Variants in ZFAND3 observed in about 807,000 individuals in gnomAD.
The protein encoded by ZFAND3 is AN1-type zinc finger protein 3.
A neutral mutation model predicts 29.6 loss-of-function variants in ZFAND3; 10 were observed. The ratio of observed to expected loss-of-function variants is 0.34; its 90% CI spans 0.21 to 0.57. The LOEUF is 0.57. Ranked by LOEUF, ZFAND3 falls within the 20% of genes least tolerant of loss-of-function variation. The probability of loss-of-function intolerance (pLI) is 0.86; values close to 1 mark genes in which losing one functional copy is unlikely to be tolerated. For missense variants in ZFAND3, 230 were observed against 304.5 expected (o/e 0.76, Z 1.82); for synonymous variants, 128 against 112.6 (o/e 1.14, Z -0.87).
intron 2 of ZFAND3, among the ~76,000 whole-genome samples, chr6:38,056,625 C>T (rs985357991): frequency 6.6e-6 from 1 of 152,064 alleles, no homozygotes; most frequent in African/African-American, 2.4e-5. Context: ...ACAGTGCTCC[C>T]AGTATTTTAA....
chr6:37,882,531 TC>T (rs559491847), intron 1 of ZFAND3, among the ~76,000 whole-genome samples: 3 of 152,130 alleles, frequency 2.0e-5, no homozygotes, highest in African/African-American at 7.2e-5. Context: ...CTGCTATACT[TC>T]CCCCTTGGAG....
At chr6:37,868,808 A>ATG (rs1764637138) in intron 1 of ZFAND3, among the ~76,000 whole-genome samples, 1 of 152,200 alleles carries the variant, frequency 6.6e-6, no homozygotes, top group Non-Finnish European at 1.5e-5. Flanking sequence ...ATACGTGCTC[A>ATG]TGTTTTCTTT....
intron 1 of ZFAND3, among the ~76,000 whole-genome samples, chr6:37,853,411 A>AG (rs1305169488): frequency 3.3e-4 from 47 of 143,100 alleles, no homozygotes; most frequent in Admixed American, 2.1e-3. Flanking sequence ...CTGAGCCTCA[A>AG]GAAAAAAAAA....
intron 1 of ZFAND3, among the ~76,000 whole-genome samples, chr6:37,851,183 C>T (rs1764273954): frequency 6.7e-6 from 1 of 148,154 alleles, no homozygotes; most frequent in Non-Finnish European, 1.5e-5. Context: ...GATGGGGTTT[C>T]ACCTTGTTGT....
At chr6:37,906,440 T>A (rs1211284934) in intron 1 of ZFAND3, among the ~76,000 whole-genome samples, 1 of 152,188 alleles carries the variant, frequency 6.6e-6, no homozygotes, top group Non-Finnish European at 1.5e-5. Flanking sequence ...AATCAGTTGA[T>A]AGACATTTAG....
intron 4 of ZFAND3, among the ~76,000 whole-genome samples, chr6:38,110,304 A>T (rs1490929017): frequency 6.6e-6 from 1 of 151,294 alleles, no homozygotes; most frequent in Non-Finnish European, 1.5e-5. Flanking sequence ...TGAGGTGGGA[A>T]TTTTTTTTTA....
chr6:37,882,809 G>A (rs1764920807), intron 1 of ZFAND3, among the ~76,000 whole-genome samples: 2 of 152,178 alleles, frequency 1.3e-5, no homozygotes, highest in African/African-American at 2.4e-5. Flanking sequence ...TTCTATGTCT[G>A]TTCACTGTGG....
intron 1 of ZFAND3, among the ~76,000 whole-genome samples, chr6:37,897,363 G>A (rs1385033445): frequency 1.3e-5 from 2 of 152,154 alleles, no homozygotes; most frequent in Non-Finnish European, 2.9e-5. Flanking sequence ...GTTGCTTATG[G>A]TAGTAATTCT....
chr6:38,001,418 ACAGT>A (rs1762946052), intron 2 of ZFAND3, among the ~76,000 whole-genome samples: 1 of 152,168 alleles, frequency 6.6e-6, no homozygotes, highest in South Asian at 2.1e-4. Flanking sequence ...ATCTTGTAAG[ACAGT>A]CTGTGTTCTG....
intron 2 of ZFAND3, among the ~76,000 whole-genome samples, chr6:37,969,630 A>G (rs1762351746): frequency 6.6e-6 from 1 of 152,238 alleles, no homozygotes; most frequent in Non-Finnish European, 1.5e-5. Context: ...AAAAGTATGT[A>G]ACTCAAACCA....
At chr6:37,853,602 G>C (rs1764323333) in intron 1 of ZFAND3, among the ~76,000 whole-genome samples, 2 of 152,208 alleles carry the variant, frequency 1.3e-5, no homozygotes, top group South Asian at 4.1e-4. Context: ...TGAATTCTGA[G>C]TTCCAAACAG....
chr6:37,875,867 T>TA (rs1764784409), intron 1 of ZFAND3, among the ~76,000 whole-genome samples: 1 of 151,888 alleles, frequency 6.6e-6, no homozygotes, highest in Non-Finnish European at 1.5e-5. Context: ...GATGAAATCT[T>TA]ACTATGTTGC....
At chr6:37,885,391 C>T (rs1344018439) in intron 1 of ZFAND3, among the ~76,000 whole-genome samples, 2 of 152,166 alleles carry the variant, frequency 1.3e-5, no homozygotes, top group African/African-American at 2.4e-5. Flanking sequence ...CGTCTGTAAT[C>T]CCAGCACTCT....
intron 2 of ZFAND3, among the ~76,000 whole-genome samples, chr6:38,030,424 A>G (rs2842498): frequency 0.88 from 133,100 of 151,968 alleles, 59,070 homozygotes; most frequent in East Asian, 0.96. Context: ...CAAAACATAC[A>G]AAATATAGAG....
rs575129069 is a variant in ZFAND3, at chr6:38,033,517, T to TAA, written c.113-28075_113-28074dup. ...ACAAGGAATGGCCTGCAGGCTGCTTTAACCAGGTAATTAGAACAGCATGTG... is the reference window on the plus strand; with the variant it reads ...ACAAGGAATGGCCTGCAGGCTGCTTTAAAACCAGGTAATTAGAACAGCATGTG... On this transcript the variant is annotated intron_variant, in intron 2 of 5. Coordinates refer to ENST00000287218, the MANE Select transcript of ZFAND3 (RefSeq NM_021943.3). Among the ~76,000 whole-genome samples, 184 of 152,286 alleles carry TAA rather than the reference T, an allele frequency of 1.2e-3. 6 individuals are homozygous for TAA. The South Asian group carries it at 0.036, about 30-fold the overall frequency.
chr6:38,042,984 TAAA>T (rs1054387402), intron 2 of ZFAND3, among the ~76,000 whole-genome samples: 1 of 152,110 alleles, frequency 6.6e-6, no homozygotes, highest in Non-Finnish European at 1.5e-5. Flanking sequence ...TTTGCTCGGA[TAAA>T]AAAATAATGT....
Position 37,998,228 on chromosome 6 carries a change from T to A in ZFAND3, c.113-63365T>A, listed in dbSNP as rs556639007. Among the ~76,000 whole-genome samples the A allele has an allele frequency of 4.6e-5, 7 of 152,320 alleles. No individual in the cohort carries two copies. The South Asian group carries it at 1.4e-3, about 32-fold the overall frequency. ...AAGGCTGCATTCTATATAATTTCATTAGTATGACATGGAAGATGGAAAACT... is the reference window on the plus strand; with the variant it reads ...AAGGCTGCATTCTATATAATTTCATAAGTATGACATGGAAGATGGAAAACT... On this transcript the variant is annotated intron_variant, in intron 2 of 5. Coordinates refer to ENST00000287218, the MANE Select transcript of ZFAND3 (RefSeq NM_021943.3).
At chr6:38,126,041 A>C (rs1765627649) in intron 5 of ZFAND3, among the ~76,000 whole-genome samples, 1 of 152,184 alleles carries the variant, frequency 6.6e-6, no homozygotes, top group Admixed American at 6.5e-5. Flanking sequence ...GTTGTACAAT[A>C]CTTCCATCAT....
chr6:38,041,764 TCCTCCTCCTCCTCCTCC>T (rs1363527154), intron 2 of ZFAND3, among the ~76,000 whole-genome samples: 33 of 2,630 alleles, frequency 0.013, 13 homozygotes, highest in Admixed American at 0.038. Flanking sequence ...CTCCTCCTCC[TCCTCCTCCTCCTCCTCC>T]TCTTCTTTCT....
Sources: allele counts gnomAD v4.1 joint callset (sites outside exome capture counted in the v4.1 genomes callset), GRCh38; gene constraint gnomAD v4.1.1; transcripts MANE v1.5; gene names NCBI Gene and HGNC (gene_info 2026-07-23, HGNC 2026-07-21).